The following TDRD5 variants were observed in gnomAD, a reference collection of about 807,000 sequenced individuals.
The protein encoded by TDRD5 is tudor domain-containing protein 5.
TDRD5 carries 41 observed loss-of-function variants against 120.6 expected under a neutral mutation model. That is an observed-to-expected ratio of 0.34 (90% CI 0.26 to 0.44). The LOEUF (loss-of-function observed/expected upper bound fraction) is 0.44. Among genes scored for constraint, TDRD5 ranks in the 20% least tolerant of loss-of-function variants. TDRD5 has a pLI of 1.00. For missense variants in TDRD5, 1,006 were observed against 1,221.2 expected, an observed-to-expected ratio of 0.82 and a Z score of 2.63; for synonymous variants, 430 against 433.7, an observed-to-expected ratio of 0.99 and a Z score of 0.11.
At chr1:179,616,114 A>G (rs1277149203) in intron 4 of TDRD5, among the ~76,000 whole-genome samples, 2 of 152,262 alleles carry the variant, frequency 1.3e-5, no homozygotes, top group South Asian at 4.1e-4. Context: ...GGGAAGCACA[A>G]AAAGAGGCCA....
At chr1:179,599,431 A>G (rs1572327622) in intron 4 of TDRD5, among the ~76,000 whole-genome samples, 1 of 151,276 alleles carries the variant, frequency 6.6e-6, no homozygotes, top group East Asian at 1.9e-4. Flanking sequence ...AATATTTCAT[A>G]GGATTTATCA....
At chr1:179,672,922 T>C (rs1679931409) in intron 17 of TDRD5, among the ~76,000 whole-genome samples, 1 of 152,214 alleles carries the variant, frequency 6.6e-6, no homozygotes, top group Non-Finnish European at 1.5e-5. Flanking sequence ...TTGGCTTTGT[T>C]TTTGGGTTCC....
chr1:179,647,792 G>T (rs900865723), intron 11 of TDRD5, among the ~76,000 whole-genome samples: 1 of 148,806 alleles, frequency 6.7e-6, no homozygotes, highest in African/African-American at 2.5e-5. Flanking sequence ...CAAAGGACAT[G>T]AACAGACACT....
intron 11 of TDRD5, among the ~76,000 whole-genome samples, chr1:179,647,581 A>C (rs1364399867): frequency 6.6e-6 from 1 of 151,768 alleles, no homozygotes; most frequent in Admixed American, 6.6e-5. Context: ...CAATGGCAAC[A>C]AAAGCCAAAA....
intron 14 of TDRD5, among the ~76,000 whole-genome samples, chr1:179,661,346 C>T (rs1250961943): frequency 1.3e-5 from 2 of 151,756 alleles, no homozygotes; most frequent in African/African-American, 2.4e-5. Flanking sequence ...TTCCACAGTC[C>T]CTGAGGCTCT....
chr1:179,611,251 C>A (rs1347629202), intron 4 of TDRD5, among the ~76,000 whole-genome samples: 1 of 151,996 alleles, frequency 6.6e-6, no homozygotes, highest in East Asian at 1.9e-4. Context: ...GGGGTTTCAT[C>A]ATGTTGGCCA....
rs1439754904 is a variant in TDRD5 at position 179,595,677 on chromosome 1, A to T, written c.690A>T (p.Thr230=). 5.0e-6 allele frequency: 8 copies of T among 1,613,452 alleles called. No homozygotes were observed. The highest frequency in any genetic ancestry group is 6.8e-6 in the Non-Finnish European group (8 of 1,179,724). ...GAATGAAACAAGGGTCATACTCCAC[A>T]GGCTTTCCGGTAGCAAAGCCATGCT... The part of the protein sequence containing the change: ...PFRMKQGSYS[T]GFPVAKPCFS... Residue 230 remains threonine (T), a synonymous_variant, in exon 4 of 18, where the codon ACA becomes ACT. Coordinates refer to ENST00000444136, the MANE Select transcript of TDRD5 (RefSeq NM_001199085.3).
intron 13 of TDRD5, among the ~76,000 whole-genome samples, chr1:179,653,287 T>G (rs1288317219): frequency 6.6e-6 from 1 of 152,202 alleles, no homozygotes; most frequent in Non-Finnish European, 1.5e-5. Context: ...TTGTTTAGTG[T>G]GTTTTGTATA....
chr1:179,654,775 T>A (rs1678909669), intron 14 of TDRD5, among the ~76,000 whole-genome samples: 2 of 151,600 alleles, frequency 1.3e-5, no homozygotes, highest in South Asian at 4.2e-4. Context: ...CTCAAAAAAA[T>A]AAAGTAAAAT....
chr1:179,622,016 T>C (rs952952243), intron 6 of TDRD5, among the ~76,000 whole-genome samples: 1 of 152,192 alleles, frequency 6.6e-6, no homozygotes, highest in Non-Finnish European at 1.5e-5. Flanking sequence ...TATAGCATAA[T>C]TGTTAAGATA....
chr1:179,617,252 C>T (rs997787887), intron 4 of TDRD5, among the ~76,000 whole-genome samples: 1 of 152,152 alleles, frequency 6.6e-6, no homozygotes, highest in Non-Finnish European at 1.5e-5. Flanking sequence ...CTGCTGAATG[C>T]TGTGCCAATG....
chr1:179,635,581 T>G, intron 8 of TDRD5, 86 bp from the exon 9 acceptor site: 1 of 1,189,066 alleles, frequency 8.4e-7, no homozygotes, highest in Non-Finnish European at 1.2e-6. Context: ...CTGATAAAGG[T>G]GATTCATGAA....
chr1:179,634,680 AAATG>A (rs1398871324), intron 8 of TDRD5, 51 bp downstream of exon 8: 31 of 1,526,440 alleles, frequency 2.0e-5, no homozygotes, highest in Non-Finnish European at 2.7e-5. Flanking sequence ...TATGGAAAGT[AAATG>A]AATGTGTGTT....
chr1:179,630,728 C>T, intron 6 of TDRD5, 39 bp from the exon 7 acceptor site: 1 of 1,598,340 alleles, frequency 6.3e-7, no homozygotes, highest in Non-Finnish European at 8.5e-7. Context: ...TATCTGTTAT[C>T]TAATGCTGTT....
At chr1:179,659,126 T>C (rs1255009918) in intron 14 of TDRD5, among the ~76,000 whole-genome samples, 1 of 152,204 alleles carries the variant, frequency 6.6e-6, no homozygotes, top group Non-Finnish European at 1.5e-5. Flanking sequence ...TGATTTCAGT[T>C]CTTTAAATTT....
At chr1:179,646,373 A>T (rs989756076) in intron 11 of TDRD5, among the ~76,000 whole-genome samples, 1 of 152,230 alleles carries the variant, frequency 6.6e-6, no homozygotes, top group South Asian at 2.1e-4. Flanking sequence ...ATCTCAGTAG[A>T]TGCAGAAAAG....
chr1:179,689,466 G>T (rs987331677), intron 17 of TDRD5, among the ~76,000 whole-genome samples: 1 of 152,198 alleles, frequency 6.6e-6, no homozygotes, highest in African/African-American at 2.4e-5. Context: ...GGCCCCTACT[G>T]GGAGGTGACT....
chr1:179,646,849 A>C (rs985408564), intron 11 of TDRD5, among the ~76,000 whole-genome samples: 1 of 152,028 alleles, frequency 6.6e-6, no homozygotes, highest in African/African-American at 2.4e-5. Context: ...TCCCATCCAC[A>C]ATTGCTTCAA....
chr1:179,611,957 C>A (rs1442490120), intron 4 of TDRD5, among the ~76,000 whole-genome samples: 3 of 152,162 alleles, frequency 2.0e-5, no homozygotes, highest in Non-Finnish European at 4.4e-5. Flanking sequence ...AGGACAAACA[C>A]TACAAAATTA....
Sources: allele counts gnomAD v4.1 joint callset (sites outside exome capture counted in the v4.1 genomes callset), GRCh38; gene constraint gnomAD v4.1.1; transcripts MANE v1.5; gene names NCBI Gene and HGNC (gene_info 2026-07-23, HGNC 2026-07-21).